The following CXXC5 variants were observed in gnomAD, a reference collection of about 807,000 sequenced individuals.
The protein encoded by CXXC5 is CXXC-type zinc finger protein 5.
In CXXC5, 2 loss-of-function variants were observed where a neutral mutation model predicts 17.6. The ratio of observed to expected loss-of-function variants is 0.11; its 90% CI spans 0.05 to 0.36. The LOEUF (loss-of-function observed/expected upper bound fraction) is 0.36, where lower values mean the gene tolerates loss of function less well. CXXC5 is among the 10% of genes least tolerant of loss of function. CXXC5 has a pLI of 1.00. For synonymous variants in CXXC5, 171 were observed against 193.0 expected (o/e 0.89, Z 0.94); for missense variants, 343 against 458.3 (o/e 0.75, Z 2.30).
At chr5:139,675,322 C>A (rs756668578) in intron 1 of CXXC5, 1 of 152,222 alleles carries the variant, frequency 6.6e-6, no homozygotes. Context: ...CCCGAGAGTT[C>A]AAGATTGAAC....
Position 139,670,015 on chromosome 5 carries a change from G to C in CXXC5, c.-160-10349G>C, listed in dbSNP as rs1383145333. On this transcript the variant is annotated intron_variant, in intron 1 of 2. Transcript: ENST00000302517. This position sits in a 1 kb window ranked among gnomAD's most constrained non-coding sequence, Gnocchi z 4.2. The stretch of plus-strand genomic sequence containing the variant: ...TCGACCCTGGCCTGGGGGAGGTGCT[G>C]GGGGGGTTCTGCAGCACTGTGGCGG... Among the ~76,000 whole-genome samples the C allele has an allele frequency of 3.3e-5, 5 of 152,218 alleles. No homozygotes were observed. The highest frequency in any genetic ancestry group is 5.9e-5 in the Non-Finnish European group (4 of 68,046).
At chr5:139,653,577 T>G (rs946984527) in intron 1 of CXXC5, among the ~76,000 whole-genome samples, 1 of 152,158 alleles carries the variant, frequency 6.6e-6, no homozygotes, top group Non-Finnish European at 1.5e-5. Context: ...GGGTATTACA[T>G]GGAGCTGGAA....
chr5:139,683,218 T>C lies in CXXC5; in HGVS notation c.*311T>C. The C allele has an allele frequency of 3.8e-6, 1 of 265,518 alleles. No homozygotes were observed. The highest frequency in any genetic ancestry group is 7.0e-6 in the Non-Finnish European group (1 of 143,150). The allele number at this position is 265,518 out of a possible 1,614,324, so 16.4% of individuals were successfully genotyped here. The stretch of plus-strand genomic sequence containing the variant: ...AAGAATGGACAATCAGTTTCCTTCC[T>C]GTGTCGATGTCGATGTTGTCTGTGC... On this transcript the variant is annotated 3_prime_UTR_variant, in exon 3 of 3. Transcript: ENST00000302517.
At chr5:139,677,068 T>C (rs1756878691) in intron 1 of CXXC5, among the ~76,000 whole-genome samples, 1 of 151,690 alleles carries the variant, frequency 6.6e-6, no homozygotes, top group Non-Finnish European at 1.5e-5. Flanking sequence ...AAGGGGTCCT[T>C]TGTGGGCTGA....
At chr5:139,669,839 C>T (rs1756350543) in intron 1 of CXXC5, among the ~76,000 whole-genome samples, 1 of 152,196 alleles carries the variant, frequency 6.6e-6, no homozygotes, top group South Asian at 2.1e-4. Flanking sequence ...CCACTGCTGC[C>T]TCCTGTGCCC....
intron 1 of CXXC5, among the ~76,000 whole-genome samples, chr5:139,677,734 T>C (rs1194388158): frequency 6.6e-6 from 1 of 151,936 alleles, no homozygotes; most frequent in African/African-American, 2.4e-5. Flanking sequence ...TGAAGAAGGA[T>C]AGAATAGTGG....
At chr5:139,676,175 T>C (rs944715491) in intron 1 of CXXC5, among the ~76,000 whole-genome samples, 1 of 35,306 alleles carries the variant, frequency 2.8e-5, no homozygotes, top group Non-Finnish European at 5.3e-5. Flanking sequence ...CCTCCTCCCC[T>C]GTCTTCTCCC....
In CXXC5 at chr5:139,682,855, C is replaced by T. The variant is rs774281839; in HGVS notation, c.925-8C>T. ...TCTCTCCTTGTTTTTGTCTCCCGCC[C>T]CCGCCAGAAGGTGATGCTTCCGACG... On this transcript the variant is annotated splice_polypyrimidine_tract_variant and splice_region_variant and intron_variant, in intron 2 of 2. Transcript: ENST00000302517. The T allele has an allele frequency of 8.2e-6, 13 of 1,591,728 alleles. No individual in the cohort carries two copies. The highest frequency in any genetic ancestry group is 1.1e-5 in the Non-Finnish European group (13 of 1,168,838).
intron 1 of CXXC5, among the ~76,000 whole-genome samples, chr5:139,652,758 T>C (rs1031431845): frequency 3.9e-5 from 6 of 152,190 alleles, no homozygotes; most frequent in Non-Finnish European, 8.8e-5. Flanking sequence ...TTTCTGAAGA[T>C]TGGCTATGTC....
intron 1 of CXXC5, among the ~76,000 whole-genome samples, chr5:139,669,582 G>A (rs779953075): frequency 3.3e-5 from 5 of 151,956 alleles, no homozygotes; most frequent in African/African-American, 7.3e-5. Flanking sequence ...GGGAGTGATC[G>A]GTGCCCACAC....
At chr5:139,650,090 TC>T (rs869077542) in intron 1 of CXXC5, among the ~76,000 whole-genome samples, 7 of 151,790 alleles carry the variant, frequency 4.6e-5, no homozygotes, top group Admixed American at 1.3e-4. Context: ...TGTTCTTTTT[TC>T]CCCCCCGGGA....
chr5:139,672,425 G>A (rs1465278310), intron 1 of CXXC5, among the ~76,000 whole-genome samples: 1 of 152,216 alleles, frequency 6.6e-6, no homozygotes, highest in Non-Finnish European at 1.5e-5. Context: ...AGGGCCTGCT[G>A]TTTATTTTAA....
intron 1 of CXXC5, among the ~76,000 whole-genome samples, chr5:139,659,178 C>G (rs1486217158): frequency 1.3e-5 from 2 of 152,094 alleles, no homozygotes; most frequent in Non-Finnish European, 2.9e-5. Context: ...GGGCTAGTGG[C>G]AGATCGGCTG....
In CXXC5 at chr5:139,668,596, C is replaced by T. The variant is rs1400839456; in HGVS notation, c.-160-11768C>T. ...TCGGGGCGGGAGCCAGCTCTGCTCG[C>T]CTGGCTTAACCCAGACGAGCCCAGG... On this transcript the variant is annotated intron_variant, in intron 1 of 2. Transcript: ENST00000302517. The surrounding 1 kb of genome is among the most constrained non-coding windows in gnomAD (Gnocchi z 4.1). Among the ~76,000 whole-genome samples the T allele has an allele frequency of 6.6e-6, 1 of 152,184 alleles. No individual in the cohort carries two copies. Among genetic ancestry groups the T allele is most frequent in the African/African-American group, 2.4e-5 (1 of 41,456 alleles).
intron 1 of CXXC5, among the ~76,000 whole-genome samples, chr5:139,656,184 C>A (rs548537006): frequency 6.6e-6 from 1 of 152,264 alleles, no homozygotes; most frequent in African/African-American, 2.4e-5. Flanking sequence ...CAACCCCTAG[C>A]GGCCCCTACA....
intron 1 of CXXC5, among the ~76,000 whole-genome samples, chr5:139,672,503 T>C (rs1407773810): frequency 6.6e-6 from 1 of 152,236 alleles, no homozygotes; most frequent in Non-Finnish European, 1.5e-5. Flanking sequence ...TCACCTCTTC[T>C]ACGGTTCAGT....
chr5:139,675,112 G>A (rs1437753436), intron 1 of CXXC5, among the ~76,000 whole-genome samples: 1 of 152,218 alleles, frequency 6.6e-6, no homozygotes, highest in East Asian at 1.9e-4. Flanking sequence ...ACTCCTGGAA[G>A]GCAGTGCTGG....
intron 1 of CXXC5, among the ~76,000 whole-genome samples, chr5:139,676,102 C>A (rs1756770409): frequency 6.6e-6 from 1 of 151,464 alleles, no homozygotes. Context: ...CCCATTACCC[C>A]CCACCTCCTC....
Position 139,668,806 on chromosome 5 carries a change from C to CA in CXXC5, c.-160-11557dup. ...GGGGATGTTGAGCCCTGAGGTGTTG[C>CA]ACTGAGCACGGATCCAGTTCCTCTT... On this transcript the variant is annotated intron_variant, in intron 1 of 2. Coordinates refer to ENST00000302517, the MANE Select transcript of CXXC5 (RefSeq NM_016463.9). The surrounding 1 kb of genome is among the most constrained non-coding windows in gnomAD (Gnocchi z 4.1). Among the ~76,000 whole-genome samples the CA allele has an allele frequency of 6.6e-6, 1 of 152,206 alleles. No homozygotes were observed. The highest frequency in any genetic ancestry group is 6.5e-5 in the Admixed American group (1 of 15,282).
Sources: gnomAD v4.1 joint callset for allele counts (sites outside exome capture counted in the v4.1 genomes callset) on GRCh38, gnomAD v4.1.1 for gene constraint, Gnocchi (gnomAD v3.1) non-coding constraint, MANE v1.5 for transcripts, NCBI Gene and HGNC (gene_info 2026-07-23, HGNC 2026-07-21) for gene names.